Variants in DAB2 observed in about 807,000 individuals in gnomAD.
DAB2 encodes disabled homolog 2.
Under a neutral mutation model 71.6 loss-of-function variants are expected in DAB2, and 28 were observed. The observed-to-expected ratio is 0.39, with a 90% CI of 0.29 to 0.54. The LOEUF (loss-of-function observed/expected upper bound fraction) is 0.54. Ranked by LOEUF, DAB2 falls within the 20% of genes least tolerant of loss-of-function variation. DAB2 has a pLI of 0.68. For missense variants in DAB2, 867 were observed against 928.8 expected, an observed-to-expected ratio of 0.93 and a Z score of 0.86; for synonymous variants, 345 against 339.7, an observed-to-expected ratio of 1.02 and a Z score of -0.17.
At chr5:39,393,488 G>A in intron 2 of DAB2, 95 bp from the exon 3 acceptor site, 3 of 1,234,414 alleles carry the variant, frequency 2.4e-6, no homozygotes, top group Non-Finnish European at 3.5e-6. Context: ...TATAAATCCT[G>A]ATTATACTAC....
intron 11 of DAB2, among the ~76,000 whole-genome samples, chr5:39,377,492 T>C (rs1286831612): frequency 6.6e-6 from 1 of 152,156 alleles, no homozygotes; most frequent in Admixed American, 6.5e-5. Context: ...GGTTGCATTT[T>C]GAGGCCCATG....
chr5:39,422,055 G>A lies in DAB2; in HGVS notation c.-102+2749C>T, dbSNP rs1466937807. On this transcript the variant is annotated intron_variant, in intron 1 of 14. Transcript: ENST00000320816. The surrounding 1 kb of genome is among the most constrained non-coding windows in gnomAD (Gnocchi z 4.1). ...AGTGTACTCCAGCATGGGCAACAGA[G>A]GGAGACTCTGTCTCAAACAAAACAA... Among the ~76,000 whole-genome samples, 2 of 152,054 alleles carry A rather than the reference G, an allele frequency of 1.3e-5. No homozygotes were observed. Among genetic ancestry groups the A allele is most frequent in the African/African-American group, 4.8e-5 (2 of 41,392 alleles).
chr5:39,395,103 G>A (rs1209809911), intron 1 of DAB2, among the ~76,000 whole-genome samples: 1 of 152,116 alleles, frequency 6.6e-6, no homozygotes, highest in Non-Finnish European at 1.5e-5. Context: ...AGTCTGTCAT[G>A]TGCTCTCACA....
intron 9 of DAB2, chr5:39,385,504 C>T (rs1755079555): frequency 6.6e-6 from 1 of 152,198 alleles, no homozygotes; most frequent in South Asian, 2.1e-4. Flanking sequence ...AGTTCACAGA[C>T]TACAACTGAG....
In DAB2 at chr5:39,388,988, C is replaced by A; in HGVS notation, c.570+109G>T. The A allele has an allele frequency of 9.1e-6, 12 of 1,323,316 alleles. No individual in the cohort carries two copies. The South Asian group carries it at 1.5e-4, about 16-fold the overall frequency. 82.0% of individuals were successfully genotyped at this position (1,323,316 alleles called of 1,614,324 possible). On this transcript the variant is annotated intron_variant, in intron 7 of 14. Coordinates refer to ENST00000320816, the MANE Select transcript of DAB2 (RefSeq NM_001343.4). Reference sequence around the variant, plus strand: ...AAACATCTTTCATGATCAGAGAAGTCATAAACACATAGTAATAAGCGAGGT... The same window carrying A: ...AAACATCTTTCATGATCAGAGAAGTAATAAACACATAGTAATAAGCGAGGT...
intron 1 of DAB2, chr5:39,417,299 TAAAAA>T (rs67514417): frequency 6.8e-6 from 1 of 147,682 alleles, no homozygotes; most frequent in Non-Finnish European, 1.5e-5. Context: ...AGTATAAAAA[TAAAAA>T]AAAAAAATCA....
rs1755576660 is a variant in DAB2 at position 39,404,753 on chromosome 5, GT to G, written c.-101-10333del. 2.6e-5 allele frequency among the ~76,000 whole-genome samples: 4 copies of G among 152,030 alleles called. No homozygotes were observed. The South Asian group carries it at 8.3e-4, about 32-fold the overall frequency. ...ACCACTAGGCCCAGCTAATTTTTGCGTTTTTAGTAGAGACAGGGTCTCACTA... is the reference window on the plus strand; with the variant it reads ...ACCACTAGGCCCAGCTAATTTTTGCGTTTTAGTAGAGACAGGGTCTCACTA... On this transcript the variant is annotated intron_variant, in intron 1 of 14. Coordinates refer to ENST00000320816, the MANE Select transcript of DAB2 (RefSeq NM_001343.4).
intron 1 of DAB2, among the ~76,000 whole-genome samples, chr5:39,408,069 A>G (rs1016216313): frequency 6.6e-6 from 1 of 152,220 alleles, no homozygotes; most frequent in African/African-American, 2.4e-5. Flanking sequence ...TATAATCCTC[A>G]AAGCCATTGC....
chr5:39,391,091 C>A (rs1489994328), intron 4 of DAB2, among the ~76,000 whole-genome samples: 1 of 152,166 alleles, frequency 6.6e-6, no homozygotes, highest in East Asian at 1.9e-4. Flanking sequence ...TCAAGTGTTT[C>A]TCAGCCTCAC....
intron 1 of DAB2, among the ~76,000 whole-genome samples, chr5:39,405,308 A>G (rs947713718): frequency 6.6e-6 from 1 of 152,222 alleles, no homozygotes; most frequent in African/African-American, 2.4e-5. Context: ...TTCAGCTTTA[A>G]TGTGGGAGAA....
chr5:39,374,999 G>C lies in DAB2; in HGVS notation c.*5+15C>G. 3 of 1,548,886 alleles carry C rather than the reference G, an allele frequency of 1.9e-6. No homozygotes were observed. Among genetic ancestry groups the C allele is most frequent in the Non-Finnish European group, 2.7e-6 (3 of 1,122,586 alleles). ...AAAAACCCCTGAGACAGGCTTATTA[G>C]GATCTTCTACTTACAGAATTTAGGC... On this transcript the variant is annotated intron_variant, in intron 14 of 14. Coordinates refer to ENST00000320816, the MANE Select transcript of DAB2 (RefSeq NM_001343.4).
intron 11 of DAB2, among the ~76,000 whole-genome samples, chr5:39,379,304 T>A (rs1195850953): frequency 6.6e-6 from 1 of 151,818 alleles, no homozygotes; most frequent in Non-Finnish European, 1.5e-5. Context: ...CATACAAAAA[T>A]TAGCTGGGTG....
chr5:39,421,060 G>A (rs1755972680), intron 1 of DAB2, among the ~76,000 whole-genome samples: 1 of 152,128 alleles, frequency 6.6e-6, no homozygotes, highest in Admixed American at 6.5e-5. Context: ...GTCTGAGAGG[G>A]TGTGGGGAGG....
chr5:39,375,955 G>A, intron 13 of DAB2, 42 bp downstream of exon 13: 1 of 1,407,674 alleles, frequency 7.1e-7, no homozygotes, highest in South Asian at 1.2e-5. Flanking sequence ...AGCTCTATGT[G>A]GCATGTACTT....
intron 1 of DAB2, among the ~76,000 whole-genome samples, chr5:39,395,274 C>T (rs1309913143): frequency 6.6e-6 from 1 of 152,124 alleles, no homozygotes; most frequent in Non-Finnish European, 1.5e-5. Context: ...GATTAACTTT[C>T]TACATTGACT....
At chr5:39,413,085 G>C (rs772882658) in intron 1 of DAB2, among the ~76,000 whole-genome samples, 1 of 152,132 alleles carries the variant, frequency 6.6e-6, no homozygotes, top group Non-Finnish European at 1.5e-5. Context: ...TTCAGGTTTT[G>C]AGTGATGGTG....
intron 1 of DAB2, among the ~76,000 whole-genome samples, chr5:39,416,441 G>T (rs1755848303): frequency 6.6e-6 from 1 of 151,980 alleles, no homozygotes; most frequent in Non-Finnish European, 1.5e-5. Flanking sequence ...TCAGGTATCG[G>T]TGTTCAATTC....
At chr5:39,374,848 C>A in intron 14 of DAB2, 166 bp downstream of exon 14, 1 of 611,762 alleles carries the variant, frequency 1.6e-6, no homozygotes, top group Non-Finnish European at 2.9e-6. Flanking sequence ...AAGTGCCCAG[C>A]CTAGTCATTA....
At chr5:39,376,258 A>G in intron 12 of DAB2, 152 bp from the exon 13 acceptor site, 1 of 633,478 alleles carries the variant, frequency 1.6e-6, no homozygotes, top group South Asian at 2.0e-5. Context: ...GTACCCCAAT[A>G]ATTATTATCC....
Sources: gnomAD v4.1 joint callset for allele counts (sites outside exome capture counted in the v4.1 genomes callset) on GRCh38, gnomAD v4.1.1 for gene constraint, Gnocchi (gnomAD v3.1) non-coding constraint, MANE v1.5 for transcripts, NCBI Gene and HGNC (gene_info 2026-07-23, HGNC 2026-07-21) for gene names.